The following PCDHGC4 variants were observed in gnomAD, a reference collection of about 807,000 sequenced individuals.
The protein encoded by PCDHGC4 is protocadherin gamma subfamily C, 4, also known as protocadherin gamma-C4.
PCDHGC4 carries 15 observed loss-of-function variants against 59.7 expected under a neutral mutation model. The observed-to-expected ratio is 0.25, with a 90% CI of 0.17 to 0.39. PCDHGC4 has a LOEUF of 0.39. Among genes scored for constraint, PCDHGC4 ranks in the 10% least tolerant of loss-of-function variants. The pLI, the probability that PCDHGC4 is intolerant of heterozygous loss-of-function variation, is 1.00. For missense variants in PCDHGC4, 1,016 were observed against 1,189.5 expected, an observed-to-expected ratio of 0.85 and a Z score of 2.15; for synonymous variants, 434 against 481.4, an observed-to-expected ratio of 0.90 and a Z score of 1.29.
In PCDHGC4 at chr5:141,500,452, G is replaced by A. The variant is rs554196222; in HGVS notation, c.2502-4941G>A. 2.6e-3 allele frequency among the ~76,000 whole-genome samples: 398 copies of A among 151,620 alleles called. 2 individuals carry two copies. The highest frequency in any genetic ancestry group is 0.021 in the South Asian group (99 of 4,798). On this transcript the variant is annotated intron_variant, in intron 2 of 3. Transcript: ENST00000306593. ...TCTCGATCTCCTGACCTCGTGATCC[G>A]CCCGCCTCGGCCTCCCAAAGTGCTG... is the stretch of plus-strand genomic sequence containing the variant.
chr5:141,498,230 C>T (rs2099782452), intron 2 of PCDHGC4, among the ~76,000 whole-genome samples: 1 of 152,200 alleles, frequency 6.6e-6, no homozygotes, highest in African/African-American at 2.4e-5. Flanking sequence ...GATGGTCAGG[C>T]ATACCAGCTT....
chr5:141,486,148 G>A lies in PCDHGC4; in HGVS notation c.975G>A (p.Gly325=). Residue 325 remains glycine (G), a synonymous_variant, in exon 1 of 4, where the codon GGG becomes GGA. Coordinates refer to ENST00000306593, the MANE Select transcript of PCDHGC4 (RefSeq NM_018928.3). This position sits in a 1 kb window ranked among gnomAD's most constrained non-coding sequence, Gnocchi z 5.0. ...YYEFDVRARD[G]GSPAMEQHCS... ...AATTTGATGTGCGGGCTCGCGATGG[G>A]GGTTCTCCAGCCATGGAGCAACATT... 2 of 1,614,164 alleles carry A rather than the reference G, an allele frequency of 1.2e-6. No homozygotes were observed. The highest frequency in any genetic ancestry group is 1.7e-6 in the Non-Finnish European group (2 of 1,180,026).
At chr5:141,507,447 G>A (rs998019159) in intron 3 of PCDHGC4, among the ~76,000 whole-genome samples, 1 of 152,226 alleles carries the variant, frequency 6.6e-6, no homozygotes, top group Non-Finnish European at 1.5e-5. Flanking sequence ...GCTGACGGAA[G>A]GACAGAGAGA....
chr5:141,485,408 T>G lies in PCDHGC4; in HGVS notation c.235T>G (p.Leu79Val). Residue 79 changes from leucine to valine, a missense_variant, in exon 1 of 4, where the codon TTG (leucine) becomes GTG (valine). By Grantham distance (32) the Leu-to-Val change is conservative. Transcript: ENST00000306593. The surrounding 1 kb of genome is among the most constrained non-coding windows in gnomAD (Gnocchi z 5.7). ...GAACCAAAGACACTTCCGTGTGGAT[T>G]TGGACAGCGGAGCCCTGCTCATCAA... Reference protein sequence around the residue: ...EVNQRHFRVDLDSGALLIKNP... With the variant: ...EVNQRHFRVDVDSGALLIKNP... 1 of 1,614,112 alleles carries G rather than the reference T, an allele frequency of 6.2e-7. No individual in the cohort carries two copies. The highest frequency in any genetic ancestry group is 8.5e-7 in the Non-Finnish European group (1 of 1,180,034).
intron 2 of PCDHGC4, among the ~76,000 whole-genome samples, chr5:141,497,614 A>C (rs1377740795): frequency 6.8e-6 from 1 of 146,530 alleles, no homozygotes; most frequent in African/African-American, 2.6e-5. Context: ...ATCTTGGCTC[A>C]CTGCAACCTC....
At chr5:141,506,084 C>T (rs1426222889) in intron 3 of PCDHGC4, among the ~76,000 whole-genome samples, 8 of 152,068 alleles carry the variant, frequency 5.3e-5, no homozygotes, top group African/African-American at 1.9e-4. Flanking sequence ...AATAGAGATT[C>T]GGCTAGTGGT....
At chr5:141,495,446 C>A (rs1165861519) in intron 2 of PCDHGC4, among the ~76,000 whole-genome samples, 1 of 152,220 alleles carries the variant, frequency 6.6e-6, no homozygotes, top group African/African-American at 2.4e-5. Flanking sequence ...CCCTACTTGT[C>A]CTGCTCTCTG....
intron 3 of PCDHGC4, among the ~76,000 whole-genome samples, chr5:141,509,620 C>G (rs1321910971): frequency 6.6e-6 from 1 of 152,188 alleles, no homozygotes; most frequent in African/African-American, 2.4e-5. Context: ...TAAACAAGTT[C>G]CTGGGTGATG....
At chr5:141,509,094 T>C (rs1038935185) in intron 3 of PCDHGC4, among the ~76,000 whole-genome samples, 4 of 152,152 alleles carry the variant, frequency 2.6e-5, no homozygotes, top group African/African-American at 9.7e-5. Context: ...AAATGGGGGC[T>C]GTAGAAACCT....
chr5:141,485,259 G>C lies in PCDHGC4; in HGVS notation c.86G>C (p.Gly29Ala). ...TTTTACCACCTGGGTTACGTTTGTGGGCAGATCCGCTACCCGGTCCCAGAG... is the reference window on the plus strand; with the variant it reads ...TTTTACCACCTGGGTTACGTTTGTGCGCAGATCCGCTACCCGGTCCCAGAG... Reference protein sequence around the residue: ...FLFYHLGYVCGQIRYPVPEES... With the variant: ...FLFYHLGYVCAQIRYPVPEES... The change falls in exon 1 of 4, where the codon GGG becomes GCG. Residue 29 changes from glycine (G) to alanine (A), a missense_variant. Gly to Ala is a moderately conservative substitution (Grantham distance 60). Coordinates refer to ENST00000306593, the MANE Select transcript of PCDHGC4 (RefSeq NM_018928.3). The surrounding 1 kb of genome is among the most constrained non-coding windows in gnomAD (Gnocchi z 5.7). 1.2e-6 allele frequency: 2 copies of C among 1,614,136 alleles called. No homozygotes were observed. The highest frequency in any genetic ancestry group is 1.7e-6 in the Non-Finnish European group (2 of 1,180,002).
Position 141,486,563 on chromosome 5 carries a change from G to T in PCDHGC4, c.1390G>T (p.Val464Phe), listed in dbSNP as rs558244990. Reference sequence around the variant, plus strand: ...CTTTCAGAGGTCACATGAGGTGTTTGTTCCTGAGAACAATCGCCCAGGGGA... The same window carrying T: ...CTTTCAGAGGTCACATGAGGTGTTTTTTCCTGAGAACAATCGCCCAGGGGA... ...SFFQRSHEVFVPENNRPGDLL... is the reference protein window; with the variant it reads ...SFFQRSHEVFFPENNRPGDLL... Residue 464 changes from valine to phenylalanine, a missense_variant, in exon 1 of 4, where the codon GTT (valine) becomes TTT (phenylalanine). Physicochemically the swap from Val to Phe is conservative, Grantham distance 50. Transcript: ENST00000306593. The surrounding 1 kb of genome is among the most constrained non-coding windows in gnomAD (Gnocchi z 5.0). The T allele has an allele frequency of 4.3e-6, 7 of 1,614,006 alleles. No individual in the cohort carries two copies. The highest frequency in any genetic ancestry group is 4.0e-5 in the African/African-American group (3 of 75,054).
chr5:141,488,186 G>T (rs1005725656), intron 1 of PCDHGC4, among the ~76,000 whole-genome samples: 2 of 152,180 alleles, frequency 1.3e-5, no homozygotes, highest in South Asian at 2.1e-4. Context: ...AGATCTTTTG[G>T]TCTGGGTCTT....
intron 2 of PCDHGC4, among the ~76,000 whole-genome samples, chr5:141,496,186 G>A (rs879940448): frequency 2.0e-5 from 3 of 152,018 alleles, no homozygotes; most frequent in Non-Finnish European, 4.4e-5. Flanking sequence ...AGCAGCCCCA[G>A]CTGCTCATTT....
intron 3 of PCDHGC4, among the ~76,000 whole-genome samples, chr5:141,506,402 G>A (rs1032556978): frequency 2.8e-5 from 4 of 143,790 alleles, no homozygotes; most frequent in East Asian, 2.0e-4. Flanking sequence ...GCAGAAAATC[G>A]CACCACTGCA....
At position 141,487,033 on chromosome 5, in the gene PCDHGC4, A is replaced by C. The variant is rs1465525110; in HGVS notation, c.1860A>C (p.Ala620=). The part of the protein sequence containing the change: ...LLEAPDPSLF[A]VSRYAGEVRT... ...AGGCCCCAGATCCCAGCCTGTTTGC[A>C]GTCTCTCGATATGCTGGGGAGGTGC... Residue 620 remains alanine, a synonymous_variant, in exon 1 of 4, where the codon GCA becomes GCC. Transcript: ENST00000306593. This position sits in a 1 kb window ranked among gnomAD's most constrained non-coding sequence, Gnocchi z 5.0. 3 of 1,614,160 alleles carry C rather than the reference A, an allele frequency of 1.9e-6. No individual in the cohort carries two copies. Among genetic ancestry groups the C allele is most frequent in the Non-Finnish European group, 2.5e-6 (3 of 1,180,032 alleles).
chr5:141,498,930 C>T (rs2099786911), intron 2 of PCDHGC4, among the ~76,000 whole-genome samples: 1 of 121,364 alleles, frequency 8.2e-6, no homozygotes, highest in Non-Finnish European at 1.6e-5. Flanking sequence ...GAGACTCCAT[C>T]AGGAAAGAAA....
chr5:141,502,250 TA>T (rs2099813542), intron 2 of PCDHGC4, among the ~76,000 whole-genome samples: 1 of 152,242 alleles, frequency 6.6e-6, no homozygotes, highest in African/African-American at 2.4e-5. Flanking sequence ...TCCTTTTTTT[TA>T]ATCCAGGATT....
Position 141,489,934 on chromosome 5 carries a change from G to A in PCDHGC4, c.2442+2319G>A, listed in dbSNP as rs777780708. 1.7e-5 allele frequency: 28 copies of A among 1,614,176 alleles called. No homozygotes were observed. Among genetic ancestry groups the A allele is most frequent in the East Asian group, 6.7e-5 (3 of 44,876 alleles). On this transcript the variant is annotated intron_variant, in intron 1 of 3. Coordinates refer to ENST00000306593, the MANE Select transcript of PCDHGC4 (RefSeq NM_018928.3). This position sits in a 1 kb window ranked among gnomAD's most constrained non-coding sequence, Gnocchi z 4.5. ...AGGGACCACCCTTATCTCTGTCATCGTGCTGGACATCAATGATAATGCTCC... is the reference window on the plus strand; with the variant it reads ...AGGGACCACCCTTATCTCTGTCATCATGCTGGACATCAATGATAATGCTCC...
rs1389786201 is a variant in PCDHGC4, at chr5:141,486,949, G to A, written c.1776G>A (p.Lys592=). 4 of 1,614,224 alleles carry A rather than the reference G, an allele frequency of 2.5e-6. No individual in the cohort carries two copies. Among genetic ancestry groups the A allele is most frequent in the African/African-American group, 2.7e-5 (2 of 75,064 alleles). ...TTGGTGCTGGCCACCTAATCACAAA[G>A]GTGACTGCTGTGGACTTGGATTCAG... The part of the protein sequence containing the change: ...PSVGAGHLIT[K]VTAVDLDSGY... The change falls in exon 1 of 4, where the codon AAG becomes AAA. Residue 592 remains lysine (K), a synonymous_variant. Coordinates refer to ENST00000306593, the MANE Select transcript of PCDHGC4 (RefSeq NM_018928.3). The surrounding 1 kb of genome is among the most constrained non-coding windows in gnomAD (Gnocchi z 5.0).
Sources: allele counts gnomAD v4.1 joint callset (sites outside exome capture counted in the v4.1 genomes callset), GRCh38; gene constraint gnomAD v4.1.1; non-coding constraint Gnocchi (gnomAD v3.1); transcripts MANE v1.5; gene names NCBI Gene and HGNC (gene_info 2026-07-23, HGNC 2026-07-21).